SCN10A: variants seen among roughly 807,000 people sequenced by gnomAD.
SCN10A encodes the protein sodium voltage-gated channel alpha subunit 10, also known as sodium channel protein type 10 subunit alpha.
SCN10A carries 162 observed loss-of-function variants against 170.7 expected under a neutral mutation model. The ratio of observed to expected loss-of-function variants is 0.95; its 90% confidence interval spans 0.84 to 1.08. The LOEUF (loss-of-function observed/expected upper bound fraction) is 1.08, where lower values mean the gene tolerates loss of function less well. Ranked by LOEUF, SCN10A falls within the 50% of genes least tolerant of loss-of-function variation. The pLI is 0.00. For synonymous variants in SCN10A, 985 were observed against 904.6 expected (o/e 1.09, Z -1.59); for missense variants, 2,527 against 2,436.9 (o/e 1.04, Z -0.78).
chr3:38,792,276 G>C (rs760210419), intron 2 of SCN10A, 108 bp from the exon 3 acceptor site: 10 of 1,410,332 alleles, frequency 7.1e-6, no homozygotes, highest in African/African-American at 4.3e-5. Flanking sequence ...GAGCAAGAAG[G>C]GCTCTGGGAA....
chr3:38,809,914 T>C (rs2064428636), intron 1 of SCN10A, among the ~76,000 whole-genome samples: 1 of 152,220 alleles, frequency 6.6e-6, no homozygotes, highest in African/African-American at 2.4e-5. Context: ...TGGATCAACC[T>C]AGATTAGAGA....
chr3:38,700,254 G>T (rs533799439), intron 27 of SCN10A, among the ~76,000 whole-genome samples: 1 of 152,356 alleles, frequency 6.6e-6, no homozygotes, highest in African/African-American at 2.4e-5. Context: ...CATGGGAGCA[G>T]AGAATAGAAT....
chr3:38,726,977 C>A lies in SCN10A; in HGVS notation c.2716G>T (p.Glu906Ter). 6.2e-7 allele frequency: 1 copy of A among 1,614,204 alleles called. No homozygotes were observed. The highest frequency in any genetic ancestry group is 8.5e-7 in the Non-Finnish European group (1 of 1,180,024). ...DNLTAPEDDG[E>*]VNNLQVALAR... ...AGGGCCACCTGCAGGTTGTTCACCT[C>A]CCCATCGTCCTCCGGGGCTGTGAGG... is the stretch of plus-strand genomic sequence containing the variant. Residue 906 changes from glutamate to a stop codon, truncating the protein, a stop_gained, in exon 17 of 28, where the codon GAG becomes TAG. Coordinates refer to ENST00000449082, the MANE Select transcript of SCN10A (RefSeq NM_006514.4). LOFTEE classifies it high-confidence loss of function.
intron 4 of SCN10A, among the ~76,000 whole-genome samples, chr3:38,783,058 G>A (rs1177180625): frequency 6.6e-6 from 1 of 152,000 alleles, no homozygotes; most frequent in African/African-American, 2.4e-5. Flanking sequence ...CACACAAAGG[G>A]GAGAAAGCTG....
chr3:38,727,057 A>G lies in SCN10A; in HGVS notation c.2641-5T>C, dbSNP rs778026525. 2.5e-6 allele frequency: 4 copies of G among 1,598,308 alleles called. No homozygotes were observed. The South Asian group carries it at 4.4e-5, about 18-fold the overall frequency. On this transcript the variant is annotated splice_region_variant and splice_polypyrimidine_tract_variant and intron_variant, in intron 16 of 27. Transcript: ENST00000449082. ...GGCGATGAACAGGTTAAGCACCTGA[A>G]GAGAAGGAATGGAAGGGAAGATTGA...
intron 4 of SCN10A, among the ~76,000 whole-genome samples, chr3:38,773,034 A>G (rs1272605908): frequency 6.6e-6 from 1 of 152,218 alleles, no homozygotes; most frequent in Non-Finnish European, 1.5e-5. Flanking sequence ...TCTAGAAAGA[A>G]ATTAGAAGAC....
Position 38,793,957 on chromosome 3 carries a change from C to T in SCN10A, c.54G>A (p.Pro18=), listed in dbSNP as rs371527903. Residue 18 remains proline (P), a synonymous_variant, in exon 2 of 28, where the codon CCG becomes CCA. Coordinates refer to ENST00000449082, the MANE Select transcript of SCN10A (RefSeq NM_006514.4). ...GCTTCTCTATCTCCACCAGTGACTCCGGAGTAAAGCGACGGAAGTTGTTAG... is the reference window on the plus strand; with the variant it reads ...GCTTCTCTATCTCCACCAGTGACTCTGGAGTAAAGCGACGGAAGTTGTTAG... ...LETNNFRRFT[P]ESLVEIEKQI... The T allele has an allele frequency of 8.7e-6, 14 of 1,613,840 alleles. No individual in the cohort carries two copies. Among genetic ancestry groups the T allele is most frequent in the East Asian group, 4.5e-5 (2 of 44,892 alleles).
chr3:38,795,347 C>CTTTTTT (rs1219351048), intron 1 of SCN10A, among the ~76,000 whole-genome samples: 8 of 127,832 alleles, frequency 6.3e-5, no homozygotes, highest in South Asian at 2.5e-4. Flanking sequence ...TTTTCTTTTT[C>CTTTTTT]TTTTTTTTTT....
intron 1 of SCN10A, among the ~76,000 whole-genome samples, chr3:38,810,133 G>A (rs2064430970): frequency 6.6e-6 from 1 of 152,204 alleles, no homozygotes; most frequent in Admixed American, 6.5e-5. Context: ...CTGTATGGTT[G>A]TTAATCTTCT....
chr3:38,762,715 A>G (rs923667471), intron 6 of SCN10A, among the ~76,000 whole-genome samples: 7 of 152,296 alleles, frequency 4.6e-5, no homozygotes, highest in Admixed American at 4.6e-4. Context: ...AGGTGTGTCC[A>G]GTGGGAATTG....
intron 26 of SCN10A, among the ~76,000 whole-genome samples, chr3:38,705,349 T>C (rs1383818129): frequency 6.6e-6 from 1 of 152,184 alleles, no homozygotes; most frequent in African/African-American, 2.4e-5. Flanking sequence ...ATTCAAAGGA[T>C]GGAGAATCTC....
At chr3:38,709,669 C>T (rs756669277) in intron 24 of SCN10A, 54 bp from the exon 25 acceptor site, 180 of 1,484,452 alleles carry the variant, frequency 1.2e-4, no homozygotes, top group Non-Finnish European at 1.6e-4. Context: ...AGTTCAGGTT[C>T]ACTCTGAAAG....
At chr3:38,748,707 C>T (rs2063717865) in intron 13 of SCN10A, among the ~76,000 whole-genome samples, 1 of 152,148 alleles carries the variant, frequency 6.6e-6, no homozygotes, top group African/African-American at 2.4e-5. Context: ...CCCAGCTCCT[C>T]TCTGCCATTC....
Position 38,697,567 on chromosome 3 carries a change from C to T in SCN10A, c.5653G>A (p.Glu1885Lys), listed in dbSNP as rs984435089. Residue 1885 changes from glutamate (E) to lysine (K), a missense_variant, in exon 28 of 28, where the codon GAG (glutamate) becomes AAG (lysine). By Grantham distance (56) the Glu-to-Lys change is moderately conservative. Transcript: ENST00000449082. ...CCTTCATCTGGGAGTGATGCAGCCT[C>T]CTCCTCAGCTCTGGGCACACATGGG... Reference protein sequence around the residue: ...NTPCVPRAEEEAASLPDEGFV... With the variant: ...NTPCVPRAEEKAASLPDEGFV... 10 of 1,614,072 alleles carry T rather than the reference C, an allele frequency of 6.2e-6. No individual in the cohort carries two copies. The highest frequency in any genetic ancestry group is 1.7e-5 in the Admixed American group (1 of 60,000).
chr3:38,774,523 G>A (rs1427065782), intron 4 of SCN10A, among the ~76,000 whole-genome samples: 1 of 152,040 alleles, frequency 6.6e-6, no homozygotes, highest in East Asian at 1.9e-4. Flanking sequence ...TGCTTTTTCT[G>A]GTGAATGAAG....
chr3:38,806,530 G>A (rs1559473217), intron 1 of SCN10A, among the ~76,000 whole-genome samples: 1 of 152,252 alleles, frequency 6.6e-6, no homozygotes, highest in South Asian at 2.1e-4. Flanking sequence ...AAGACAGGAA[G>A]CATGAGTTCT....
intron 8 of SCN10A, among the ~76,000 whole-genome samples, chr3:38,757,686 T>C (rs2063823950): frequency 6.6e-6 from 1 of 152,240 alleles, no homozygotes; most frequent in Non-Finnish European, 1.5e-5. Flanking sequence ...AGATAAGGAA[T>C]CTGGGGGTCA....
Position 38,757,038 on chromosome 3 carries a change from A to G in SCN10A, c.1072T>C (p.Trp358Arg). 6.2e-7 allele frequency: 1 copy of G among 1,612,036 alleles called. No individual in the cohort carries two copies. The highest frequency in any genetic ancestry group is 8.5e-7 in the Non-Finnish European group (1 of 1,179,094). ...AGTACCTGCTGGTAGAGGCGTTCCC[A>G]GGAATCCTGTGTCATGAGGCGGAAC... The part of the protein sequence containing the change: ...SLFRLMTQDS[W>R]ERLYQQTLRT... Residue 358 changes from tryptophan (W) to arginine (R), a missense_variant, in exon 9 of 28, where the codon TGG becomes CGG. By Grantham distance (101) the Trp-to-Arg change is moderately radical (BLOSUM62 -3). Coordinates refer to ENST00000449082, the MANE Select transcript of SCN10A (RefSeq NM_006514.4).
intron 1 of SCN10A, among the ~76,000 whole-genome samples, chr3:38,795,450 C>G (rs1288699100): frequency 6.7e-6 from 1 of 150,058 alleles, no homozygotes; most frequent in Non-Finnish European, 1.5e-5. Context: ...AAGCAATTCT[C>G]CCACCTCAGC....
Sources: gnomAD v4.1 joint callset for allele counts (sites outside exome capture counted in the v4.1 genomes callset) on GRCh38, gnomAD v4.1.1 for gene constraint, MANE v1.5 for transcripts, NCBI Gene and HGNC (gene_info 2026-07-23, HGNC 2026-07-21) for gene names.